The following USP25 variants were observed in gnomAD, a reference collection of about 807,000 sequenced individuals.
USP25 encodes the protein ubiquitin carboxyl-terminal hydrolase 25.
Under a neutral mutation model 158.5 loss-of-function variants are expected in USP25, and 85 were observed. That is an observed-to-expected ratio of 0.54 (90% CI 0.45 to 0.64). The LOEUF is 0.64. Among genes scored for constraint, USP25 ranks in the 30% least tolerant of loss-of-function variants. The probability of loss-of-function intolerance (pLI) is 0.00; values close to 1 mark genes in which losing one functional copy is unlikely to be tolerated. For missense variants in USP25, 1,242 were observed against 1,327.3 expected (o/e 0.94, Z 1.00); for synonymous variants, 464 against 460.4 (o/e 1.01, Z -0.10).
intron 15 of USP25, among the ~76,000 whole-genome samples, chr21:15,830,931 T>C (rs1380381666): frequency 1.3e-5 from 2 of 152,132 alleles, no homozygotes; most frequent in African/African-American, 2.4e-5. Context: ...AAAAGTCTTA[T>C]GGGAGAAAAT....
chr21:15,796,952 A>G (rs916854973), intron 5 of USP25, among the ~76,000 whole-genome samples: 6 of 151,518 alleles, frequency 4.0e-5, no homozygotes, highest in African/African-American at 9.7e-5. Flanking sequence ...GAAGAAAACT[A>G]AAAACTGTAA....
At chr21:15,822,098 C>T (rs1485790095) in intron 10 of USP25, among the ~76,000 whole-genome samples, 1 of 151,502 alleles carries the variant, frequency 6.6e-6, no homozygotes, top group African/African-American at 2.4e-5. Flanking sequence ...AGATTGTAGA[C>T]AAGTAGATAT....
At chr21:15,780,822 G>C (rs1248315710) in intron 4 of USP25, among the ~76,000 whole-genome samples, 2 of 152,154 alleles carry the variant, frequency 1.3e-5, no homozygotes, top group East Asian at 3.9e-4. Context: ...TCTAAAGATG[G>C]TGTGTGAAAC....
At chr21:15,732,380 T>A (rs1323634134) in intron 1 of USP25, among the ~76,000 whole-genome samples, 4 of 152,222 alleles carry the variant, frequency 2.6e-5, no homozygotes, top group African/African-American at 9.7e-5. Flanking sequence ...ATATTAGAAC[T>A]ATTTAAAAAT....
At chr21:15,861,337 G>A (rs1035197431) in intron 20 of USP25, among the ~76,000 whole-genome samples, 4 of 152,096 alleles carry the variant, frequency 2.6e-5, no homozygotes, top group African/African-American at 9.7e-5. Context: ...AAGGTCTAGT[G>A]AAAAAGTTAA....
chr21:15,789,466 G>A (rs2035473034), intron 4 of USP25, among the ~76,000 whole-genome samples: 1 of 152,032 alleles, frequency 6.6e-6, no homozygotes, highest in East Asian at 1.9e-4. Flanking sequence ...TTTGTTTCTT[G>A]TTATAATTAG....
intron 18 of USP25, among the ~76,000 whole-genome samples, chr21:15,847,083 A>G (rs1424735186): frequency 1.3e-5 from 2 of 152,222 alleles, no homozygotes; most frequent in African/African-American, 4.8e-5. Context: ...GTTAAACAAA[A>G]TAGAATATGG....
chr21:15,787,539 A>G (rs1161585852), intron 4 of USP25, among the ~76,000 whole-genome samples: 1 of 152,164 alleles, frequency 6.6e-6, no homozygotes, highest in African/African-American at 2.4e-5. Flanking sequence ...ATTAAATATC[A>G]TTAAGACACA....
At position 15,730,425 on chromosome 21, in the gene USP25, G is replaced by A. The variant is rs370568281; in HGVS notation, c.32G>A (p.Ser11Asn). 259 of 1,364,940 alleles carry A rather than the reference G, an allele frequency of 1.9e-4. 1 individual carries two copies. The African/African-American group carries it at 3.7e-3, about 19-fold the overall frequency. The allele number at this position is 1,364,940 out of a possible 1,614,324, so 84.6% of individuals were successfully genotyped here. MTVEQNVLQQ[S>N]AAQKHQQTFL... Reference sequence around the variant, plus strand: ...GTGGAGCAGAACGTGCTGCAGCAGAGCGCGGCGCAGAAGGTGAGGCGAGTC... The same window carrying A: ...GTGGAGCAGAACGTGCTGCAGCAGAACGCGGCGCAGAAGGTGAGGCGAGTC... The change falls in exon 1 of 26, where the codon AGC becomes AAC. Residue 11 changes from serine to asparagine, a missense_variant. Ser to Asn is a conservative substitution (Grantham distance 46). Coordinates refer to ENST00000400183, the MANE Select transcript of USP25 (RefSeq NM_001283041.3).
At chr21:15,825,225 C>A (rs1292981308) in intron 12 of USP25, among the ~76,000 whole-genome samples, 164 bp downstream of exon 12, 1 of 152,136 alleles carries the variant, frequency 6.6e-6, no homozygotes, top group Non-Finnish European at 1.5e-5. Flanking sequence ...CTATAGTAGA[C>A]TTTAAAAAAT....
chr21:15,859,210 T>C (rs2039302484), intron 20 of USP25, among the ~76,000 whole-genome samples: 1 of 150,080 alleles, frequency 6.7e-6, no homozygotes, highest in Non-Finnish European at 1.5e-5. Flanking sequence ...TTTTTTTTTT[T>C]GAGACGGGGT....
intron 6 of USP25, among the ~76,000 whole-genome samples, chr21:15,804,463 A>G (rs1464306088): frequency 6.6e-6 from 1 of 151,690 alleles, no homozygotes; most frequent in Non-Finnish European, 1.5e-5. Flanking sequence ...AATGAGTATA[A>G]AATAATTTTA....
In USP25 at chr21:15,809,554, A is replaced by G. The variant is rs185291495; in HGVS notation, c.857+669A>G. 2.5e-3 allele frequency among the ~76,000 whole-genome samples: 375 copies of G among 152,278 alleles called. 2 individuals carry two copies. Among genetic ancestry groups the G allele is most frequent in the African/African-American group, 8.8e-3 (364 of 41,554 alleles). On this transcript the variant is annotated intron_variant, in intron 8 of 25. Transcript: ENST00000400183. Reference sequence around the variant, plus strand: ...AAACCCTTGTGCAGTGTTGGTGAGGATATGAAATGGTACAGCCACTGTGGA... The same window carrying G: ...AAACCCTTGTGCAGTGTTGGTGAGGGTATGAAATGGTACAGCCACTGTGGA...
chr21:15,808,655 G>C (rs1336766629), intron 7 of USP25, among the ~76,000 whole-genome samples, 154 bp from the exon 8 acceptor site: 1 of 151,358 alleles, frequency 6.6e-6, no homozygotes, highest in Non-Finnish European at 1.5e-5. Flanking sequence ...AATTATAAAA[G>C]TTTCTTGCAT....
In USP25 at chr21:15,744,301, C is replaced by G. The variant is rs536436561; in HGVS notation, c.45+13863C>G. Reference sequence around the variant, plus strand: ...TTGTCCATCTTGGTGTTGGCTTAGGCAAACCTTAGGGTCTGCGTTTTTTTG... The same window carrying G: ...TTGTCCATCTTGGTGTTGGCTTAGGGAAACCTTAGGGTCTGCGTTTTTTTG... On this transcript the variant is annotated intron_variant, in intron 1 of 25. Transcript: ENST00000400183. 5 of 152,414 alleles carry G rather than the reference C, an allele frequency of 3.3e-5. No homozygotes were observed. The East Asian group carries it at 9.7e-4, about 29-fold the overall frequency. The allele number at this position is 152,414 out of a possible 1,614,324, so 9.4% of individuals were successfully genotyped here. A position where few individuals can be genotyped will look rare whatever the true frequency, so the allele number is the denominator to read the frequency against.
chr21:15,759,777 T>G (rs2033618358), intron 1 of USP25, among the ~76,000 whole-genome samples: 1 of 152,202 alleles, frequency 6.6e-6, no homozygotes, highest in South Asian at 2.1e-4. Context: ...CTTCCAGTCA[T>G]GGCCTGAACC....
intron 18 of USP25, among the ~76,000 whole-genome samples, chr21:15,844,274 C>G (rs1440419564): frequency 6.6e-6 from 1 of 152,044 alleles, no homozygotes; most frequent in East Asian, 1.9e-4. Context: ...ACACTAGAAG[C>G]TAAATTGCAC....
chr21:15,803,289 A>G (rs1220460025), intron 6 of USP25, among the ~76,000 whole-genome samples: 1 of 151,858 alleles, frequency 6.6e-6, no homozygotes, highest in African/African-American at 2.4e-5. Context: ...AAGTAGGAAA[A>G]TACATTTCAA....
intron 23 of USP25, among the ~76,000 whole-genome samples, chr21:15,872,723 T>A (rs986028001): frequency 3.3e-5 from 5 of 152,204 alleles, no homozygotes; most frequent in African/African-American, 1.2e-4. Context: ...CTATTTATCA[T>A]GACACCTTCA....
Sources: gnomAD v4.1 joint callset for allele counts (sites outside exome capture counted in the v4.1 genomes callset) on GRCh38, gnomAD v4.1.1 for gene constraint, MANE v1.5 for transcripts, NCBI Gene and HGNC (gene_info 2026-07-23, HGNC 2026-07-21) for gene names.